Variants in MICU3 observed in about 807,000 individuals in gnomAD.
MICU3 encodes the protein mitochondrial calcium uptake 3.
Under a neutral mutation model 66.5 loss-of-function variants are expected in MICU3, and 62 were observed. That is an observed-to-expected ratio of 0.93 (90% confidence interval 0.76 to 1.15). The LOEUF (loss-of-function observed/expected upper bound fraction) is 1.15. Ranked by LOEUF, MICU3 falls within the 50% of genes most tolerant of loss-of-function variation. The pLI, the probability that MICU3 is intolerant of heterozygous loss-of-function variation, is 0.00. For missense variants in MICU3, 779 were observed against 664.4 expected (o/e 1.17, Z -1.90); for synonymous variants, 308 against 240.7 (o/e 1.28, Z -2.59).
intron 8 of MICU3, among the ~76,000 whole-genome samples, chr8:17,092,103 C>T (rs1034662925): frequency 1.3e-5 from 2 of 152,036 alleles, no homozygotes; most frequent in Admixed American, 1.3e-4. Flanking sequence ...GTCTTGATCT[C>T]CTGACCTCAT....
At position 17,030,076 on chromosome 8, in the gene MICU3, T is replaced by G. The variant is rs181063700; in HGVS notation, c.381+2416T>G. On this transcript the variant is annotated intron_variant, in intron 1 of 14. Transcript: ENST00000318063. ...AGAGCGACTTTGTGTTCTCTGTTGT[T>G]GATGAGTTATAGCATTCTATTTTGC... 2.2e-3 allele frequency among the ~76,000 whole-genome samples: 329 copies of G among 152,326 alleles called. 4 individuals carry two copies. The highest frequency in any genetic ancestry group is 6.8e-3 in the African/African-American group (281 of 41,584).
intron 13 of MICU3, among the ~76,000 whole-genome samples, chr8:17,117,884 C>T (rs775565444): frequency 6.6e-6 from 1 of 152,188 alleles, no homozygotes; most frequent in Non-Finnish European, 1.5e-5. Context: ...GCTGGGATTA[C>T]AGGCATGAGC....
chr8:17,123,100 A>G (rs540520386), downstream of MICU3, among the ~76,000 whole-genome samples: 8 of 152,238 alleles, frequency 5.3e-5, no homozygotes, highest in South Asian at 1.7e-3. Context: ...AGAAACTGTA[A>G]TAAAAATTGT....
chr8:17,122,838 C>T (rs188977998), downstream of MICU3, among the ~76,000 whole-genome samples: 292 of 152,022 alleles, frequency 1.9e-3, no homozygotes, highest in African/African-American at 6.9e-3. Flanking sequence ...TAAGGCTTCT[C>T]AAAGTAAATT....
the MICU3 span, among the ~76,000 whole-genome samples, chr8:17,128,215 T>G: frequency 1.4e-5 from 2 of 144,276 alleles, no homozygotes; most frequent in Non-Finnish European, 3.0e-5. Flanking sequence ...TCCCAAAAGT[T>G]CCTGAGATCA....
intron 2 of MICU3, among the ~76,000 whole-genome samples, chr8:17,066,358 C>T (rs1418837519): frequency 2.6e-5 from 4 of 151,488 alleles, no homozygotes; most frequent in African/African-American, 4.8e-5. Flanking sequence ...GATACAGAAC[C>T]ATCTCCAAGG....
rs1043488516 is a variant in MICU3 at position 17,097,711 on chromosome 8, A to G, written c.889-747A>G. Among the ~76,000 whole-genome samples, 18 of 151,726 alleles carry G rather than the reference A, an allele frequency of 1.2e-4. 1 individual carries two copies. The highest frequency in any genetic ancestry group is 1.1e-3 in the Admixed American group (17 of 15,170). On this transcript the variant is annotated intron_variant, in intron 8 of 14. Coordinates refer to ENST00000318063, the MANE Select transcript of MICU3 (RefSeq NM_181723.3). ...AATCTTCCCTGATAAATCCTGACAG[A>G]AACTGGGTTTAATTATTTTTGTTTA...
chr8:17,032,442 A>G (rs917889243), intron 1 of MICU3, among the ~76,000 whole-genome samples: 3 of 152,156 alleles, frequency 2.0e-5, no homozygotes, highest in Non-Finnish European at 4.4e-5. Context: ...ACTTAATTGT[A>G]CAGAAGACAT....
intron 4 of MICU3, among the ~76,000 whole-genome samples, chr8:17,080,983 T>G (rs1036766729): frequency 6.6e-6 from 1 of 152,166 alleles, no homozygotes; most frequent in Non-Finnish European, 1.5e-5. Context: ...GCACTAAATC[T>G]AGTTTTGGGT....
At chr8:17,107,075 A>G (rs1044619418) in intron 11 of MICU3, among the ~76,000 whole-genome samples, 13 of 152,110 alleles carry the variant, frequency 8.5e-5, no homozygotes, top group Admixed American at 8.5e-4. Context: ...TCTACTATTT[A>G]CTTGGCTTTA....
intron 1 of MICU3, among the ~76,000 whole-genome samples, chr8:17,058,793 T>C (rs556274652): frequency 5.3e-4 from 81 of 152,328 alleles, no homozygotes; most frequent in African/African-American, 1.9e-3. Context: ...AACTGTATCA[T>C]AGTAACAAAC....
chr8:17,027,605 A>C lies in MICU3; in HGVS notation c.326A>C (p.Asp109Ala). 7.6e-7 allele frequency: 1 copy of C among 1,307,912 alleles called. No homozygotes were observed. 81.0% of individuals were successfully genotyped at this position (1,307,912 alleles called of 1,614,324 possible). Residue 109 changes from aspartate (D) to alanine (A), a missense_variant, in exon 1 of 15, where the codon GAC becomes GCC. Transcript: ENST00000318063. ...PSKSAATEPE[D>A]PPRGRGMLPI... ...AAGAGCGCGGCCACGGAGCCCGAGGACCCGCCCCGCGGCCGGGGGATGCTG... is the reference window on the plus strand; with the variant it reads ...AAGAGCGCGGCCACGGAGCCCGAGGCCCCGCCCCGCGGCCGGGGGATGCTG...
downstream of MICU3, among the ~76,000 whole-genome samples, chr8:17,126,318 A>C (rs1380014598): frequency 6.6e-6 from 1 of 152,042 alleles, no homozygotes; most frequent in Non-Finnish European, 1.5e-5. Flanking sequence ...GTTTATTACC[A>C]TATGTTTCTG....
chr8:17,118,771 G>C lies in MICU3; in HGVS notation c.1589G>C (p.Arg530Thr), dbSNP rs1802938531. The change falls in exon 14 of 15, where the codon AGA becomes ACA. Residue 530 changes from arginine to threonine, a missense_variant. By Grantham distance (71) the Arg-to-Thr change is moderately conservative (BLOSUM62 -1). Coordinates refer to ENST00000318063, the MANE Select transcript of MICU3 (RefSeq NM_181723.3). ...KSCLKKELHSR is the reference protein window; with the variant it reads ...KSCLKKELHST Reference sequence around the variant, plus strand: ...TGCCTGAAGAAAGAACTTCACAGCAGATAAGTATGTTAGCTTCTATTTGTC... The same window carrying C: ...TGCCTGAAGAAAGAACTTCACAGCACATAAGTATGTTAGCTTCTATTTGTC... 1 of 1,604,198 alleles carries C rather than the reference G, an allele frequency of 6.2e-7. No homozygotes were observed. The highest frequency in any genetic ancestry group is 8.5e-7 in the Non-Finnish European group (1 of 1,171,562).
intron 8 of MICU3, among the ~76,000 whole-genome samples, chr8:17,093,947 G>T (rs903646648): frequency 6.6e-6 from 1 of 151,912 alleles, no homozygotes; most frequent in Non-Finnish European, 1.5e-5. Context: ...CCATAGTATA[G>T]ATCAAGAAGT....
At chr8:17,061,896 A>T (rs1817885753) in intron 1 of MICU3, among the ~76,000 whole-genome samples, 1 of 152,160 alleles carries the variant, frequency 6.6e-6, no homozygotes, top group South Asian at 2.1e-4. Flanking sequence ...CACCCACGGC[A>T]GGGCCAAAAC....
chr8:17,112,862 T>G (rs970189573), intron 11 of MICU3, among the ~76,000 whole-genome samples: 1 of 152,194 alleles, frequency 6.6e-6, no homozygotes, highest in Non-Finnish European at 1.5e-5. Flanking sequence ...CTAGTTTTTT[T>G]GGCAACAAGC....
At chr8:17,068,872 A>G (rs1281623444) in intron 2 of MICU3, among the ~76,000 whole-genome samples, 6 of 152,154 alleles carry the variant, frequency 3.9e-5, no homozygotes, top group African/African-American at 1.4e-4. Context: ...ATTAATATTA[A>G]CCAGTTTCCT....
intron 1 of MICU3, among the ~76,000 whole-genome samples, chr8:17,060,332 T>C (rs1289270323): frequency 6.6e-6 from 1 of 151,844 alleles, no homozygotes; most frequent in Non-Finnish European, 1.5e-5. Flanking sequence ...AGTCTCGTGC[T>C]GTCGATTAGG....
Sources: allele counts gnomAD v4.1 joint callset (sites outside exome capture counted in the v4.1 genomes callset), GRCh38; gene constraint gnomAD v4.1.1; transcripts MANE v1.5; gene names NCBI Gene and HGNC (gene_info 2026-07-23, HGNC 2026-07-21).